Variants in ZFAT observed in about 807,000 individuals in gnomAD.
ZFAT encodes the protein zinc finger protein ZFAT.
A neutral mutation model predicts 117.7 loss-of-function variants in ZFAT; 64 were observed. That is an observed-to-expected ratio of 0.54 (90% confidence interval 0.44 to 0.67). The LOEUF is 0.67. Among genes scored for constraint, ZFAT ranks in the 30% least tolerant of loss-of-function variants. The pLI is 0.00. For missense variants in ZFAT, 1,433 were observed against 1,584.5 expected (o/e 0.90, Z 1.62); for synonymous variants, 679 against 615.0 (o/e 1.10, Z -1.54).
At chr8:134,692,680 T>C (rs1833639279) in intron 1 of ZFAT, among the ~76,000 whole-genome samples, 1 of 152,218 alleles carries the variant, frequency 6.6e-6, no homozygotes, top group South Asian at 2.1e-4. Flanking sequence ...TTTAAATGAA[T>C]AACCATAATT....
intron 15 of ZFAT, among the ~76,000 whole-genome samples, chr8:134,480,416 T>C (rs1396955082): frequency 6.6e-6 from 1 of 152,238 alleles, no homozygotes; most frequent in East Asian, 1.9e-4. Context: ...TGGTCACAAC[T>C]GTTTCCCCAG....
At chr8:134,537,453 C>T (rs760210694) in intron 11 of ZFAT, among the ~76,000 whole-genome samples, 15 of 152,156 alleles carry the variant, frequency 9.9e-5, no homozygotes, top group Non-Finnish European at 1.9e-4. Context: ...ACCTCTAGAC[C>T]GAGGAATCGC....
the ZFAT span, among the ~76,000 whole-genome samples, chr8:134,781,503 A>AT: frequency 6.6e-6 from 1 of 152,202 alleles, no homozygotes; most frequent in Non-Finnish European, 1.5e-5. Flanking sequence ...AGTCTTCCAG[A>AT]TATCAGTGGA....
At chr8:134,761,034 T>A in the ZFAT span, among the ~76,000 whole-genome samples, 1 of 152,174 alleles carries the variant, frequency 6.6e-6, no homozygotes, top group African/African-American at 2.4e-5. Context: ...TGGTCTTTTA[T>A]CTTAGAGGAG....
the ZFAT span, among the ~76,000 whole-genome samples, chr8:134,781,638 T>C: frequency 2.0e-5 from 3 of 152,268 alleles, no homozygotes. Flanking sequence ...TGCACAGGTC[T>C]ACTTATATGT....
the ZFAT span, among the ~76,000 whole-genome samples, chr8:134,727,617 A>G: frequency 6.6e-6 from 1 of 152,218 alleles, no homozygotes. Context: ...TGTGACTTCA[A>G]AATGAATAGG....
chr8:134,825,839 C>T, the ZFAT span, among the ~76,000 whole-genome samples: 4 of 151,886 alleles, frequency 2.6e-5, no homozygotes, highest in Admixed American at 2.6e-4. Context: ...GCTAACATGG[C>T]GAAACCCCTT....
chr8:134,521,316 G>T (rs1205192219), intron 12 of ZFAT, among the ~76,000 whole-genome samples: 1 of 150,672 alleles, frequency 6.6e-6, no homozygotes, highest in Non-Finnish European at 1.5e-5. Flanking sequence ...CAGTGGGTAA[G>T]TGGCTTAAAT....
the ZFAT span, among the ~76,000 whole-genome samples, chr8:134,791,034 A>G: frequency 6.6e-6 from 1 of 152,214 alleles, no homozygotes; most frequent in African/African-American, 2.4e-5. Flanking sequence ...GCGTCTGAAT[A>G]TATGCCAATT....
At chr8:134,525,667 C>CTA (rs1320540443) in intron 12 of ZFAT, among the ~76,000 whole-genome samples, 2 of 152,184 alleles carry the variant, frequency 1.3e-5, no homozygotes, top group Non-Finnish European at 2.9e-5. Flanking sequence ...CAAAGAGTCA[C>CTA]TAGTACAGAG....
chr8:134,566,833 T>C (rs530679959), intron 10 of ZFAT, among the ~76,000 whole-genome samples: 1 of 152,210 alleles, frequency 6.6e-6, no homozygotes, highest in Non-Finnish European at 1.5e-5. Context: ...ACTCCATTAA[T>C]AGTCCACACT....
intron 1 of ZFAT, among the ~76,000 whole-genome samples, chr8:134,687,170 A>C (rs1173415034): frequency 1.3e-5 from 2 of 152,212 alleles, no homozygotes; most frequent in African/African-American, 4.8e-5. Flanking sequence ...CTGAAGCTCC[A>C]ATAAATGCAC....
At chr8:134,717,466 C>CTTTTTTTTTTATTTTTT (rs1814224106), upstream of ZFAT, among the ~76,000 whole-genome samples, 1 of 19,334 alleles carries the variant, frequency 5.2e-5, no homozygotes, top group Non-Finnish European at 1.3e-4. Flanking sequence ...AATAACAACT[C>CTTTTTTTTTTATTTTTT]TTTTTTTTTT....
chr8:134,769,128 A>G, the ZFAT span, among the ~76,000 whole-genome samples: 23 of 152,052 alleles, frequency 1.5e-4, no homozygotes, highest in Non-Finnish European at 2.5e-4. Context: ...AGCTGAAATC[A>G]TGCCACTGCA....
the ZFAT span, among the ~76,000 whole-genome samples, chr8:134,828,498 G>A: frequency 2.0e-5 from 3 of 152,108 alleles, no homozygotes; most frequent in Admixed American, 6.5e-5. Flanking sequence ...AAAATTTCTC[G>A]AAAACTAGGA....
the ZFAT span, among the ~76,000 whole-genome samples, chr8:134,828,330 G>A: frequency 2.6e-5 from 4 of 152,236 alleles, no homozygotes; most frequent in South Asian, 2.1e-4. Flanking sequence ...CCAGTATCCC[G>A]AAGTTGGGCT....
intron 1 of ZFAT, among the ~76,000 whole-genome samples, chr8:134,711,142 T>C (rs796164839): frequency 6.6e-6 from 1 of 152,178 alleles, no homozygotes; most frequent in South Asian, 2.1e-4. Flanking sequence ...TTTTGTTTTT[T>C]GAGAAAAATA....
chr8:134,661,917 C>T (rs995858696), intron 1 of ZFAT, among the ~76,000 whole-genome samples: 33 of 152,230 alleles, frequency 2.2e-4, no homozygotes, highest in Admixed American at 6.5e-4. Context: ...GGGGTCAGCA[C>T]GCAAGGAGGA....
At position 134,602,390 on chromosome 8, in the gene ZFAT, C is replaced by T; in HGVS notation, c.1329G>A (p.Lys443=). The part of the protein sequence containing the change: ...ACELCGHGAT[K]YQALELHVRK... ...TGACATGCAGTTCCAGCGCCTGGTA[C>T]TTGGTGGCCCCATGGCCACAGAGCT... The change falls in exon 6 of 16, where the codon AAG becomes AAA. Residue 443 remains lysine (K), a synonymous_variant. Coordinates refer to ENST00000377838, the MANE Select transcript of ZFAT (RefSeq NM_020863.4). 1.2e-6 allele frequency: 2 copies of T among 1,613,870 alleles called. No individual in the cohort carries two copies. The highest frequency in any genetic ancestry group is 1.6e-4 in the Middle Eastern group (1 of 6,062).
Sources: gnomAD v4.1 joint callset for allele counts (sites outside exome capture counted in the v4.1 genomes callset) on GRCh38, gnomAD v4.1.1 for gene constraint, MANE v1.5 for transcripts, NCBI Gene and HGNC (gene_info 2026-07-23, HGNC 2026-07-21) for gene names.